PPFIBP2: variants seen among roughly 807,000 people sequenced by gnomAD.
PPFIBP2 encodes the protein PPFIB scaffold protein 2.
Under a neutral mutation model 118.3 loss-of-function variants are expected in PPFIBP2, and 118 were observed. That is an observed-to-expected ratio of 1.00 (90% CI 0.86 to 1.16). PPFIBP2 has a LOEUF of 1.16. Ranked by LOEUF, PPFIBP2 falls within the 50% of genes most tolerant of loss-of-function variation. The pLI, the probability that PPFIBP2 is intolerant of heterozygous loss-of-function variation, is 0.00. For synonymous variants in PPFIBP2, 414 were observed against 397.4 expected, an observed-to-expected ratio of 1.04 and a Z score of -0.50; for missense variants, 1,195 against 1,073.1, an observed-to-expected ratio of 1.11 and a Z score of -1.59.
chr11:7,665,300 T>C, the PPFIBP2 span: 1 of 1,279,620 alleles, frequency 7.8e-7, no homozygotes, highest in Admixed American at 2.9e-5. Flanking sequence ...ACATCCCAGT[T>C]TACCGTGGTG....
chr11:7,615,163 C>G (rs928389756), intron 6 of PPFIBP2, among the ~76,000 whole-genome samples: 16 of 151,972 alleles, frequency 1.1e-4, no homozygotes. Flanking sequence ...TAGTGAAACC[C>G]CATCTCTACT....
chr11:7,629,335 C>CT (rs1554981383), intron 9 of PPFIBP2, 124 bp from the exon 10 acceptor site: 5 of 942,998 alleles, frequency 5.3e-6, no homozygotes, highest in Non-Finnish European at 8.4e-6. Flanking sequence ...CCTGGACACT[C>CT]TTTTCCTTTG....
intron 1 of PPFIBP2, among the ~76,000 whole-genome samples, chr11:7,521,445 G>T (rs2134256989): frequency 6.6e-6 from 1 of 152,278 alleles, no homozygotes; most frequent in Middle Eastern, 3.4e-3. Flanking sequence ...ATTCTTTTGT[G>T]CCTATCTGCA....
At chr11:7,639,110 A>G (rs1590746678) in intron 14 of PPFIBP2, among the ~76,000 whole-genome samples, 1 of 152,160 alleles carries the variant, frequency 6.6e-6, no homozygotes, top group Non-Finnish European at 1.5e-5. Context: ...CTTCTGTACC[A>G]TAGCCGCTCT....
chr11:7,666,499 G>A, the PPFIBP2 span: 2 of 1,613,542 alleles, frequency 1.2e-6, no homozygotes, highest in South Asian at 1.1e-5. Flanking sequence ...TGGTCTGGGT[G>A]AGTCCTGGCA....
intron 7 of PPFIBP2, among the ~76,000 whole-genome samples, chr11:7,624,162 C>T (rs957164109): frequency 6.6e-6 from 1 of 152,164 alleles, no homozygotes; most frequent in African/African-American, 2.4e-5. Context: ...GTAAGAGTGG[C>T]CTTCATCTGT....
Position 7,597,569 on chromosome 11 carries a change from CT to C in PPFIBP2, c.383del (p.Leu128ProfsTer5). 6.2e-7 allele frequency: 1 copy of C among 1,613,766 alleles called. No individual in the cohort carries two copies. The highest frequency in any genetic ancestry group is 8.5e-7 in the Non-Finnish European group (1 of 1,179,856). On this transcript the variant is annotated frameshift_variant, in exon 5 of 24. Transcript: ENST00000299492. LOFTEE classifies it high-confidence loss of function. ...KESLILQVSV[L>X]TDQVEAQGEK... is the part of the protein sequence containing the mutation. ...TTATTTCCTGGAACAGGTGAGTGTC[CT>C]CACAGACCAAGTAGAAGCCCAGGGA...
the PPFIBP2 span, chr11:7,665,771 G>A: frequency 1.4e-6 from 2 of 1,423,788 alleles, no homozygotes; most frequent in Non-Finnish European, 1.9e-6. Flanking sequence ...CTGAAGCCCT[G>A]CTGCTGTCTG....
intron 23 of PPFIBP2, among the ~76,000 whole-genome samples, chr11:7,652,282 T>G (rs182280054): frequency 1.3e-5 from 2 of 152,306 alleles, no homozygotes; most frequent in East Asian, 3.9e-4. Flanking sequence ...TTGTCTTGTT[T>G]CGTGAAGTGG....
intron 17 of PPFIBP2, among the ~76,000 whole-genome samples, chr11:7,644,750 G>A (rs542983203): frequency 6.6e-6 from 1 of 152,230 alleles, no homozygotes; most frequent in Non-Finnish European, 1.5e-5. Context: ...ATTTTAGGCC[G>A]GGCGCGGTGG....
chr11:7,516,889 C>T (rs78648868), intron 1 of PPFIBP2, among the ~76,000 whole-genome samples: 3,209 of 152,204 alleles, frequency 0.021, 47 homozygotes, highest in Non-Finnish European at 0.029. Flanking sequence ...GCTTTCAGAC[C>T]CCGGGGAGAA....
At chr11:7,559,513 G>A (rs979417773) in intron 2 of PPFIBP2, among the ~76,000 whole-genome samples, 6 of 152,034 alleles carry the variant, frequency 3.9e-5, no homozygotes, top group Non-Finnish European at 8.8e-5. Flanking sequence ...TTGGGATTTC[G>A]GTAGTCAGTG....
At chr11:7,645,026 C>CAAAAAAA (rs57087700) in intron 17 of PPFIBP2, among the ~76,000 whole-genome samples, 2 of 81,824 alleles carry the variant, frequency 2.4e-5, no homozygotes, top group South Asian at 5.5e-4. Flanking sequence ...GACTCCGTCT[C>CAAAAAAA]AAAAAAAAAA....
At chr11:7,624,587 G>C (rs1210150379) in intron 7 of PPFIBP2, among the ~76,000 whole-genome samples, 2 of 152,226 alleles carry the variant, frequency 1.3e-5, no homozygotes, top group Non-Finnish European at 2.9e-5. Flanking sequence ...ACATGGGGAA[G>C]GGGTGGCCAG....
downstream of PPFIBP2, chr11:7,655,389 A>T (rs1296787993): frequency 1.6e-6 from 2 of 1,263,780 alleles, no homozygotes; most frequent in African/African-American, 3.1e-5. Context: ...CTGAATCACA[A>T]GCTGCATCCA....
chr11:7,593,300 C>A (rs7129888), intron 4 of PPFIBP2, 76 bp downstream of exon 4: 868,391 of 1,532,482 alleles, frequency 0.57, 247,581 homozygotes, highest in East Asian at 0.73. Context: ...GAAGGGAAGC[C>A]CAAGAGATTT....
chr11:7,562,928 T>TA (rs1314176954), intron 2 of PPFIBP2, among the ~76,000 whole-genome samples: 7 of 80,654 alleles, frequency 8.7e-5, no homozygotes, highest in South Asian at 4.5e-4. Context: ...AAATTAAAGT[T>TA]TTATATATAT....
chr11:7,578,149 G>C lies in PPFIBP2; in HGVS notation c.279+12382G>C, dbSNP rs74746509. ...TCTCTTTGAATGCTCTGAAGCTGAG[G>C]GTTTATGTTGCAAGTTGTTCATGCC... On this transcript the variant is annotated intron_variant, in intron 3 of 23. Transcript: ENST00000299492. Among the ~76,000 whole-genome samples the C allele has an allele frequency of 5.3e-3, 809 of 152,308 alleles. 7 individuals are homozygous for C. The highest frequency in any genetic ancestry group is 0.019 in the African/African-American group (773 of 41,558).
At chr11:7,589,642 G>A (rs965372445) in intron 3 of PPFIBP2, among the ~76,000 whole-genome samples, 3 of 151,820 alleles carry the variant, frequency 2.0e-5, no homozygotes, top group Admixed American at 2.0e-4. Flanking sequence ...AAATTAGCAC[G>A]TAGCATCCTT....
Sources: gnomAD v4.1 joint callset for allele counts (sites outside exome capture counted in the v4.1 genomes callset) on GRCh38, gnomAD v4.1.1 for gene constraint, MANE v1.5 for transcripts, NCBI Gene and HGNC (gene_info 2026-07-23, HGNC 2026-07-21) for gene names.